Variants in TAGLN3 observed in about 807,000 individuals in gnomAD.
TAGLN3 encodes transgelin-3.
A neutral mutation model predicts 25.4 loss-of-function variants in TAGLN3; 12 were observed. That is an observed-to-expected ratio of 0.47 (90% CI 0.30 to 0.77). TAGLN3 has a LOEUF of 0.77. TAGLN3 is among the 30% of genes least tolerant of loss of function. TAGLN3 has a pLI of 0.06. For synonymous variants in TAGLN3, 96 were observed against 94.8 expected (o/e 1.01, Z -0.08); for missense variants, 218 against 255.8 (o/e 0.85, Z 1.01).
chr3:111,999,175 C>A (rs543865159), intron 1 of TAGLN3, 61 bp downstream of exon 1: 46 of 397,918 alleles, frequency 1.2e-4, no homozygotes, highest in Non-Finnish European at 1.9e-4. Flanking sequence ...GGGATTCCAG[C>A]CCCCCTGGAC....
At chr3:112,001,074 C>A in intron 3 of TAGLN3, 128 bp downstream of exon 3, 2 of 818,926 alleles carry the variant, frequency 2.4e-6, no homozygotes, top group Non-Finnish European at 3.8e-6. Flanking sequence ...AGCTGTTATC[C>A]TGGGGGCAGT....
At chr3:112,003,814 G>A (rs1183414458) in intron 3 of TAGLN3, among the ~76,000 whole-genome samples, 1 of 152,044 alleles carries the variant, frequency 6.6e-6, no homozygotes, top group Non-Finnish European at 1.5e-5. Flanking sequence ...CCCAAGTAGG[G>A]CTCTGCTTGC....
At position 112,013,623 on chromosome 3, in the gene TAGLN3, A is replaced by C. The variant is rs1401926169; in HGVS notation, c.*72A>C. On this transcript the variant is annotated 3_prime_UTR_variant, in exon 5 of 5. Coordinates refer to ENST00000478951, the MANE Select transcript of TAGLN3 (RefSeq NM_001008272.2). ...TGGTCTCTACGAAAAAGAAATAGTT[A>C]GTCACCTTCTGACCTTCTCCTCTTT... 6.2e-7 allele frequency: 1 copy of C among 1,603,610 alleles called. No individual in the cohort carries two copies. Among genetic ancestry groups the C allele is most frequent in the Non-Finnish European group, 8.5e-7 (1 of 1,173,328 alleles).
chr3:112,001,545 C>T (rs142070545), intron 3 of TAGLN3, among the ~76,000 whole-genome samples: 61 of 152,272 alleles, frequency 4.0e-4, no homozygotes, highest in African/African-American at 1.4e-3. Flanking sequence ...AATGATCTGC[C>T]ATTACTGGGG....
chr3:112,001,122 G>C (rs184932886), intron 3 of TAGLN3, among the ~76,000 whole-genome samples, 176 bp downstream of exon 3: 41 of 152,258 alleles, frequency 2.7e-4, no homozygotes, highest in African/African-American at 8.9e-4. Context: ...TTAAAAGGAG[G>C]TACCCTCTTC....
intron 3 of TAGLN3, 117 bp from the exon 4 acceptor site, chr3:112,011,646 G>A (rs748292630): frequency 1.3e-5 from 12 of 917,340 alleles, no homozygotes; most frequent in Non-Finnish European, 1.9e-5. Context: ...CTGCTCCCTT[G>A]AATCTGGTCA....
At chr3:112,008,555 A>G (rs1041043988) in intron 3 of TAGLN3, among the ~76,000 whole-genome samples, 10 of 151,686 alleles carry the variant, frequency 6.6e-5, no homozygotes, top group African/African-American at 2.2e-4. Flanking sequence ...TAAATTTTTG[A>G]CCCCCAGTTG....
intron 4 of TAGLN3, 98 bp from the exon 5 acceptor site, chr3:112,013,312 A>G: frequency 6.8e-7 from 1 of 1,474,790 alleles, no homozygotes. Context: ...CTGCTGATCT[A>G]TTTGGGGACC....
rs540685398 is a variant in TAGLN3, at chr3:111,999,152, CGGGA to C, written c.-3+39_-3+42del. 8 of 353,412 alleles carry C rather than the reference CGGGA, an allele frequency of 2.3e-5. No individual in the cohort carries two copies. The East Asian group carries it at 4.1e-4, about 18-fold the overall frequency. 21.9% of individuals were successfully genotyped at this position (353,412 alleles called of 1,614,324 possible). ...TATATCATCTGGTCTCATTGATAGG[CGGGA>C]TAGGGAGGGGGATTCCAGCCCCCCT... is the stretch of plus-strand genomic sequence containing the variant. On this transcript the variant is annotated intron_variant, in intron 1 of 4. Coordinates refer to ENST00000478951, the MANE Select transcript of TAGLN3 (RefSeq NM_001008272.2).
In TAGLN3 at chr3:111,999,401, G is replaced by C; in HGVS notation, c.-2-20G>C. ...TGCTGCTATTGTGTGGATGCCGCGC[G>C]TGTCTTCTCTTCTTTCCAGAGATGG... On this transcript the variant is annotated intron_variant, in intron 1 of 4. Transcript: ENST00000478951. The C allele has an allele frequency of 1.2e-6, 2 of 1,610,478 alleles. No homozygotes were observed. The highest frequency in any genetic ancestry group is 8.5e-7 in the Non-Finnish European group (1 of 1,177,186).
chr3:112,005,569 A>T (rs79312622), intron 3 of TAGLN3, among the ~76,000 whole-genome samples: 3,320 of 152,240 alleles, frequency 0.022, 115 homozygotes, highest in African/African-American at 0.075. Flanking sequence ...TTTATGTGTC[A>T]TTCCTCAACA....
intron 3 of TAGLN3, among the ~76,000 whole-genome samples, chr3:112,001,988 G>A (rs1481983200): frequency 6.6e-6 from 1 of 152,210 alleles, no homozygotes; most frequent in Admixed American, 6.5e-5. Flanking sequence ...CAAAGAGCTG[G>A]CATTGCATGT....
At chr3:112,001,044 GAT>G in intron 3 of TAGLN3, 98 bp downstream of exon 3, 1 of 1,099,734 alleles carries the variant, frequency 9.1e-7, no homozygotes, top group Non-Finnish European at 1.3e-6. Flanking sequence ...TGTGCCGATT[GAT>G]GTGTGTAAGA....
intron 3 of TAGLN3, among the ~76,000 whole-genome samples, chr3:112,001,208 G>T (rs1404985280): frequency 6.6e-6 from 1 of 152,178 alleles, no homozygotes; most frequent in African/African-American, 2.4e-5. Flanking sequence ...GCTAGAGGAA[G>T]CTAACGGTGA....
At chr3:112,011,136 AG>A (rs1410678677) in intron 3 of TAGLN3, among the ~76,000 whole-genome samples, 1 of 152,198 alleles carries the variant, frequency 6.6e-6, no homozygotes, top group African/African-American at 2.4e-5. Context: ...AGTTTAGGAC[AG>A]GTCAGTCAAC....
chr3:112,007,891 A>G (rs1466923069), intron 3 of TAGLN3, among the ~76,000 whole-genome samples: 1 of 152,224 alleles, frequency 6.6e-6, no homozygotes, highest in Non-Finnish European at 1.5e-5. Context: ...TTGAAAACCA[A>G]AGCTTTAGAG....
intron 3 of TAGLN3, among the ~76,000 whole-genome samples, chr3:112,007,149 T>C (rs2072927127): frequency 1.3e-5 from 2 of 152,130 alleles, no homozygotes; most frequent in Admixed American, 1.3e-4. Context: ...GTACAGATAT[T>C]TTCCATATGC....
chr3:112,001,214 G>C (rs1347018797), intron 3 of TAGLN3, among the ~76,000 whole-genome samples: 1 of 152,160 alleles, frequency 6.6e-6, no homozygotes, highest in Non-Finnish European at 1.5e-5. Flanking sequence ...GGAAGCTAAC[G>C]GTGACATACT....
In TAGLN3 at chr3:112,013,614, G is replaced by C; in HGVS notation, c.*63G>C. 1 of 1,609,460 alleles carries C rather than the reference G, an allele frequency of 6.2e-7. No individual in the cohort carries two copies. Among genetic ancestry groups the C allele is most frequent in the South Asian group, 1.1e-5 (1 of 90,636 alleles). ...TCCACACCATGGTCTCTACGAAAAA[G>C]AAATAGTTAGTCACCTTCTGACCTT... On this transcript the variant is annotated 3_prime_UTR_variant, in exon 5 of 5. Transcript: ENST00000478951.
Sources: allele counts gnomAD v4.1 joint callset (sites outside exome capture counted in the v4.1 genomes callset), GRCh38; gene constraint gnomAD v4.1.1; transcripts MANE v1.5; gene names NCBI Gene and HGNC (gene_info 2026-07-23, HGNC 2026-07-21).